The following EFCAB6 variants were observed in gnomAD, a reference collection of about 807,000 sequenced individuals.
EFCAB6 encodes EF-hand calcium binding domain 6.
A neutral mutation model predicts 169.8 loss-of-function variants in EFCAB6; 156 were observed. That is an observed-to-expected ratio of 0.92 (90% CI 0.81 to 1.05). EFCAB6 has a LOEUF of 1.05. Among genes scored for constraint, EFCAB6 ranks in the 50% least tolerant of loss-of-function variants. The pLI is 0.00. For missense variants in EFCAB6, 1,800 were observed against 1,829.1 expected (o/e 0.98, Z 0.29); for synonymous variants, 698 against 676.4 (o/e 1.03, Z -0.50).
intron 8 of EFCAB6, among the ~76,000 whole-genome samples, chr22:43,724,961 C>T (rs889503010): frequency 3.3e-5 from 5 of 152,086 alleles, no homozygotes; most frequent in South Asian, 2.1e-4. Context: ...TAACTACATA[C>T]GTGAGACTAA....
At chr22:43,575,803 G>C (rs542706450) in intron 26 of EFCAB6, among the ~76,000 whole-genome samples, 1 of 152,020 alleles carries the variant, frequency 6.6e-6, no homozygotes, top group African/African-American at 2.4e-5. Flanking sequence ...CTGTGCCAAG[G>C]CCTCATCTCT....
Position 43,537,386 on chromosome 22 carries a change from C to A in EFCAB6, c.4039G>T (p.Asp1347Tyr). The A allele has an allele frequency of 6.2e-7, 1 of 1,613,984 alleles. No individual in the cohort carries two copies. The highest frequency in any genetic ancestry group is 1.3e-5 in the African/African-American group (1 of 75,018). ...VARQGDINAS[D>Y]FLALVEKFNL... ...TAGAATCTGAACGAACCCAGGAAAT[C>A]GGAGGCGTTGATGTCCCCCTGTCTG... Residue 1347 changes from aspartate to tyrosine, a missense_variant, in exon 29 of 32, where the codon GAT (aspartate) becomes TAT (tyrosine). Coordinates refer to ENST00000262726, the MANE Select transcript of EFCAB6 (RefSeq NM_022785.4). This position sits in a 1 kb window ranked among gnomAD's most constrained non-coding sequence, Gnocchi z 4.3.
In EFCAB6 at chr22:43,608,502, C is replaced by T; in HGVS notation, c.2661G>A (p.Glu887=). 6.2e-7 allele frequency: 1 copy of T among 1,614,148 alleles called. No individual in the cohort carries two copies. The highest frequency in any genetic ancestry group is 1.3e-5 in the African/African-American group (1 of 75,060). ...YGFDIPLTPR[E]FEKLWARYDT... The stretch of plus-strand genomic sequence containing the variant: ...CTTACCTTGCCCAAAGCTTTTCAAA[C>T]TCTCTTGGTGTGAGGGGAATATCAA... The change falls in exon 22 of 32, where the codon GAG becomes GAA. Residue 887 remains glutamate (E), a synonymous_variant. Coordinates refer to ENST00000262726, the MANE Select transcript of EFCAB6 (RefSeq NM_022785.4).
chr22:43,718,167 G>A (rs2059401114), intron 8 of EFCAB6, among the ~76,000 whole-genome samples: 2 of 151,946 alleles, frequency 1.3e-5, no homozygotes, highest in Admixed American at 1.3e-4. Context: ...GAATTATACG[G>A]GATTATTATT....
intron 27 of EFCAB6, among the ~76,000 whole-genome samples, chr22:43,543,570 A>G (rs1021018743): frequency 4.6e-5 from 7 of 152,134 alleles, no homozygotes; most frequent in African/African-American, 1.2e-4. Context: ...AAGGATCGAC[A>G]TCCTTGCAGA....
In EFCAB6 at chr22:43,589,280, CAAAAAAAAAAAAAAAAAAAAA is replaced by C. The variant is rs1163346832; in HGVS notation, c.3032+773_3032+793del. Among the ~76,000 whole-genome samples the C allele has an allele frequency of 2.0e-3, 164 of 80,932 alleles. 3 individuals carry two copies. The highest frequency in any genetic ancestry group is 0.015 in the South Asian group (40 of 2,584). The allele number at this position is 80,932 out of a possible 152,430, so 53.1% of individuals were successfully genotyped here. ...TGGGTAACAGAGGGAGACTTCATGT[CAAAAAAAAAAAAAAAAAAAAA>C]AAAAAAAAAAAAAAAAAAAAGAAGT... On this transcript the variant is annotated intron_variant, in intron 24 of 31. Transcript: ENST00000262726.
intron 2 of EFCAB6, among the ~76,000 whole-genome samples, chr22:43,799,891 A>T (rs1210000050): frequency 6.6e-6 from 1 of 152,034 alleles, no homozygotes; most frequent in Admixed American, 6.6e-5. Flanking sequence ...TTTTCCCCCA[A>T]TTCACTGTTT....
intron 6 of EFCAB6, among the ~76,000 whole-genome samples, chr22:43,738,473 A>G (rs111174415): frequency 2.0e-3 from 302 of 151,566 alleles, no homozygotes; most frequent in Non-Finnish European, 3.4e-3. Context: ...TCACACACAC[A>G]TATATTCACA....
In EFCAB6 at chr22:43,678,077, T is replaced by C. The variant is rs1406818681; in HGVS notation, c.1338A>G (p.Glu446=). ...CCCCAGGGTCAAGCATTTGCATTAG[T>C]TCTTTGAATTCTGAATCGCTTAGTT... ...AVKLSDSEFK[E]LMQMLDPGDT... Residue 446 remains glutamate, a synonymous_variant, in exon 13 of 32, where the codon GAA becomes GAG. Coordinates refer to ENST00000262726, the MANE Select transcript of EFCAB6 (RefSeq NM_022785.4). 3 of 1,613,976 alleles carry C rather than the reference T, an allele frequency of 1.9e-6. No individual in the cohort carries two copies. In the African/African-American group the frequency reaches 4.0e-5, roughly 22 times the overall value.
chr22:43,581,127 T>C (rs866550575), intron 24 of EFCAB6, among the ~76,000 whole-genome samples: 1 of 151,902 alleles, frequency 6.6e-6, no homozygotes, highest in African/African-American at 2.4e-5. Context: ...GTGGTGGCAG[T>C]GGTGGGAGAG....
chr22:43,610,086 G>A (rs1166327828), intron 21 of EFCAB6, among the ~76,000 whole-genome samples: 2 of 152,232 alleles, frequency 1.3e-5, no homozygotes, highest in African/African-American at 4.8e-5. Flanking sequence ...TCAAGCTCCT[G>A]TAAGAGAGTG....
chr22:43,728,524 A>G (rs1482539465), intron 8 of EFCAB6, among the ~76,000 whole-genome samples: 1 of 152,222 alleles, frequency 6.6e-6, no homozygotes, highest in Non-Finnish European at 1.5e-5. Flanking sequence ...TTACACTCCC[A>G]CCAACAGGGT....
At chr22:43,570,612 C>CTTTTTTTT (rs34079137) in intron 26 of EFCAB6, among the ~76,000 whole-genome samples, 2 of 146,936 alleles carry the variant, frequency 1.4e-5, no homozygotes. Context: ...TAGGTGTTCT[C>CTTTTTTTT]TTTTTTTTTT....
At chr22:43,627,412 TTC>T (rs1225053700) in intron 19 of EFCAB6, among the ~76,000 whole-genome samples, 1 of 152,208 alleles carries the variant, frequency 6.6e-6, no homozygotes, top group Non-Finnish European at 1.5e-5. Flanking sequence ...CTTGTGATGC[TTC>T]TGTTTTCTCA....
chr22:43,670,889 A>G (rs1314725337), intron 15 of EFCAB6, among the ~76,000 whole-genome samples: 1 of 152,238 alleles, frequency 6.6e-6, no homozygotes, highest in Non-Finnish European at 1.5e-5. Context: ...CAGCAGCGGC[A>G]GCAACAAACA....
chr22:43,744,680 T>G lies in EFCAB6; in HGVS notation c.508-8687A>C, dbSNP rs1569463908. On this transcript the variant is annotated intron_variant, in intron 6 of 31. Transcript: ENST00000262726. This position sits in a 1 kb window ranked among gnomAD's most constrained non-coding sequence, Gnocchi z 4.3. Reference sequence around the variant, plus strand: ...GCTGATCTTCCTCAACAGGAAACCATGAAGTTCAGAGGCCCCCAAAGCACT... The same window carrying G: ...GCTGATCTTCCTCAACAGGAAACCAGGAAGTTCAGAGGCCCCCAAAGCACT... 6.6e-6 allele frequency among the ~76,000 whole-genome samples: 1 copy of G among 152,012 alleles called. No individual in the cohort carries two copies. Among genetic ancestry groups the G allele is most frequent in the African/African-American group, 2.4e-5 (1 of 41,382 alleles).
intron 15 of EFCAB6, 117 bp from the exon 16 acceptor site, chr22:43,669,162 G>A (rs2057382435): frequency 3.3e-6 from 3 of 910,126 alleles, no homozygotes; most frequent in Non-Finnish European, 4.6e-6. Context: ...ACTGCTGGTG[G>A]GAATGTAAAA....
intron 27 of EFCAB6, among the ~76,000 whole-genome samples, chr22:43,546,608 C>T (rs1039187686): frequency 2.0e-5 from 3 of 152,230 alleles, no homozygotes; most frequent in South Asian, 4.1e-4. Flanking sequence ...TGGTGGCTCA[C>T]GCCTGTAATC....
Position 43,570,611 on chromosome 22 carries a change from TC to T in EFCAB6, c.3420+5685del, listed in dbSNP as rs1404861979. Among the ~76,000 whole-genome samples, 256 of 75,028 alleles carry T rather than the reference TC, an allele frequency of 3.4e-3. 3 individuals are homozygous for T. The highest frequency in any genetic ancestry group is 0.012 in the African/African-American group (254 of 20,334). 49.2% of individuals were successfully genotyped at this position (75,028 alleles called of 152,430 possible). On this transcript the variant is annotated intron_variant, in intron 26 of 31. Transcript: ENST00000262726. ...TGTGTGTGCTGCCGTTTAGGTGTTCTCTTTTTTTTTTTTTTCCTGTTCGGCT... is the reference window on the plus strand; with the variant it reads ...TGTGTGTGCTGCCGTTTAGGTGTTCTTTTTTTTTTTTTTTCCTGTTCGGCT...
Sources: allele counts gnomAD v4.1 joint callset (sites outside exome capture counted in the v4.1 genomes callset), GRCh38; gene constraint gnomAD v4.1.1; non-coding constraint Gnocchi (gnomAD v3.1); transcripts MANE v1.5; gene names NCBI Gene and HGNC (gene_info 2026-07-23, HGNC 2026-07-21).